Variants in PPFIA2 observed in about 807,000 individuals in gnomAD.
PPFIA2 encodes the protein PPFI scaffold protein A2, also known as liprin-alpha-2.
PPFIA2 carries 46 observed loss-of-function variants against 175.5 expected under a neutral mutation model. That is an observed-to-expected ratio of 0.26 (90% CI 0.21 to 0.34). The LOEUF (loss-of-function observed/expected upper bound fraction) is 0.34, where lower values mean the gene tolerates loss of function less well. PPFIA2 is among the 10% of genes least tolerant of loss of function. The pLI, the probability that PPFIA2 is intolerant of heterozygous loss-of-function variation, is 1.00. For synonymous variants in PPFIA2, 568 were observed against 511.4 expected (o/e 1.11, Z -1.49); for missense variants, 1,179 against 1,506.1 (o/e 0.78, Z 3.60).
chr12:81,481,081 T>G (rs901971661), intron 4 of PPFIA2, among the ~76,000 whole-genome samples: 38 of 152,260 alleles, frequency 2.5e-4, no homozygotes, highest in African/African-American at 8.9e-4. Flanking sequence ...ATCACAAGCA[T>G]TCCTATACAC....
chr12:81,518,238 T>C (rs923445692), intron 4 of PPFIA2, among the ~76,000 whole-genome samples: 5 of 152,126 alleles, frequency 3.3e-5, no homozygotes, highest in African/African-American at 1.2e-4. Context: ...ATATTGACCA[T>C]CTCTTTTACA....
rs935046010 is a variant in PPFIA2 at position 81,494,861 on chromosome 12, G to A, written c.304-36995C>T. Among the ~76,000 whole-genome samples, 15 of 145,484 alleles carry A rather than the reference G, an allele frequency of 1.0e-4. No homozygotes were observed. The South Asian group carries it at 1.1e-3, about 11-fold the overall frequency. ...TCACAAGGACAAAAAACCAAACACC[G>A]CATGTTCTCACTCATAGGTGGGAAT... On this transcript the variant is annotated intron_variant, in intron 4 of 32. Transcript: ENST00000549396.
At chr12:81,335,169 G>A (rs2140154897) in intron 21 of PPFIA2, among the ~76,000 whole-genome samples, 1 of 152,190 alleles carries the variant, frequency 6.6e-6, no homozygotes, top group East Asian at 1.9e-4. Context: ...TCAATATTTG[G>A]AGATAATGGC....
At chr12:81,474,413 TC>T (rs1291747125) in intron 4 of PPFIA2, among the ~76,000 whole-genome samples, 1 of 152,132 alleles carries the variant, frequency 6.6e-6, no homozygotes, top group Non-Finnish European at 1.5e-5. Flanking sequence ...GGCCTCAGCC[TC>T]CCAAACTGCT....
At chr12:81,414,729 A>G (rs761872560) in intron 7 of PPFIA2, among the ~76,000 whole-genome samples, 2 of 151,616 alleles carry the variant, frequency 1.3e-5, no homozygotes, top group African/African-American at 2.4e-5. Flanking sequence ...GCTGAATTCC[A>G]TGCTTAGATT....
At chr12:81,472,644 A>G (rs2056911920) in intron 4 of PPFIA2, 1 of 152,206 alleles carries the variant, frequency 6.6e-6, no homozygotes, top group South Asian at 2.1e-4. Flanking sequence ...TTTAGTAACC[A>G]GTATGCTTGT....
chr12:81,642,703 T>TGC lies in PPFIA2; in HGVS notation c.303+34087_303+34088insGC, dbSNP rs1173180908. 2.9e-4 allele frequency among the ~76,000 whole-genome samples: 4 copies of TGC among 13,934 alleles called. 1 individual carries two copies. The highest frequency in any genetic ancestry group is 1.4e-3 in the African/African-American group (4 of 2,860). 9.1% of individuals were successfully genotyped at this position (13,934 alleles called of 152,430 possible). ...TGTATCTATTATATACATACATGTATATGTATGTATGTATTATATACATAC... is the reference window on the plus strand; with the variant it reads ...TGTATCTATTATATACATACATGTATGCATGTATGTATGTATTATATACATAC... On this transcript the variant is annotated intron_variant, in intron 4 of 32. Transcript: ENST00000549396.
chr12:81,750,972 C>T (rs2083685558), intron 3 of PPFIA2, among the ~76,000 whole-genome samples: 1 of 152,076 alleles, frequency 6.6e-6, no homozygotes, highest in Non-Finnish European at 1.5e-5. Flanking sequence ...GTTATTTTCA[C>T]CTTCCAGCTA....
At chr12:81,284,545 C>T (rs1055179627) in intron 24 of PPFIA2, among the ~76,000 whole-genome samples, 14 of 152,158 alleles carry the variant, frequency 9.2e-5, no homozygotes, top group African/African-American at 3.1e-4. Flanking sequence ...TTTAAAATGA[C>T]ATTTCTGCAA....
At chr12:81,483,721 A>G (rs987213393) in intron 4 of PPFIA2, among the ~76,000 whole-genome samples, 1 of 152,100 alleles carries the variant, frequency 6.6e-6, no homozygotes, top group African/African-American at 2.4e-5. Flanking sequence ...TGTAAGGAAA[A>G]AACTATCTAA....
Position 81,413,953 on chromosome 12 carries a change from T to C in PPFIA2, c.646-8050A>G, listed in dbSNP as rs117573715. On this transcript the variant is annotated intron_variant, in intron 7 of 32. Transcript: ENST00000549396. The stretch of plus-strand genomic sequence containing the variant: ...AATTAAGAACTTCTAGCTGTAATAA[T>C]AGCTATGTCTTGAACATTTATTACA... Among the ~76,000 whole-genome samples, 655 of 151,922 alleles carry C rather than the reference T, an allele frequency of 4.3e-3. 3 individuals carry two copies. Among genetic ancestry groups the C allele is most frequent in the Non-Finnish European group, 7.1e-3 (480 of 67,786 alleles).
intron 15 of PPFIA2, among the ~76,000 whole-genome samples, chr12:81,360,787 T>TTCTA (rs58752952): frequency 0.35 from 53,532 of 151,174 alleles, 10,237 homozygotes; most frequent in East Asian, 0.53. Context: ...TTATAATAAG[T>TTCTA]TCTGTTTAGC....
At chr12:81,283,187 A>C (rs1468026395) in intron 25 of PPFIA2, 148 bp from the exon 26 acceptor site, 4 of 700,550 alleles carry the variant, frequency 5.7e-6, no homozygotes, top group Non-Finnish European at 9.6e-6. Flanking sequence ...TCATAGACCC[A>C]CAGTGATCAA....
rs1555549706 is a variant in PPFIA2, at chr12:81,642,765, T to TGTATTATATAC, written c.303+34025_303+34026insGTATATAATAC. On this transcript the variant is annotated intron_variant, in intron 4 of 32. Coordinates refer to ENST00000549396, the MANE Select transcript of PPFIA2 (RefSeq NM_003625.5). Reference sequence around the variant, plus strand: ...TGTATGTATTATATACATACATGTATATGTATGTATGTATTATATACATAC... The same window carrying TGTATTATATAC: ...TGTATGTATTATATACATACATGTATGTATTATATACATGTATGTATGTATTATATACATAC... Among the ~76,000 whole-genome samples the TGTATTATATAC allele has an allele frequency of 2.6e-4, 2 of 7,666 alleles. 1 individual carries two copies. Among genetic ancestry groups the TGTATTATATAC allele is most frequent in the African/African-American group, 1.6e-3 (2 of 1,268 alleles). 5.0% of individuals were successfully genotyped at this position (7,666 alleles called of 152,430 possible).
chr12:81,375,506 G>T (rs1011779706), intron 10 of PPFIA2, among the ~76,000 whole-genome samples: 7 of 152,046 alleles, frequency 4.6e-5, no homozygotes, highest in Non-Finnish European at 1.0e-4. Flanking sequence ...ATAGGTGGTG[G>T]TTAGAATTAA....
intron 13 of PPFIA2, 71 bp downstream of exon 13, chr12:81,368,654 T>C: frequency 1.4e-6 from 2 of 1,428,364 alleles, no homozygotes; most frequent in Non-Finnish European, 9.5e-7. Context: ...ATTACAATGA[T>C]TGCAGCTGTA....
At chr12:81,267,738 T>G (rs924156599) in intron 29 of PPFIA2, among the ~76,000 whole-genome samples, 174 bp downstream of exon 29, 2 of 151,738 alleles carry the variant, frequency 1.3e-5, no homozygotes, top group Non-Finnish European at 2.9e-5. Flanking sequence ...ATTTTTTTTT[T>G]TTTTTTTTTG....
chr12:81,316,941 G>A (rs528556875), intron 22 of PPFIA2, among the ~76,000 whole-genome samples: 3 of 151,590 alleles, frequency 2.0e-5, no homozygotes, highest in East Asian at 3.9e-4. Context: ...CTACATTTTT[G>A]TATAACACAG....
At chr12:81,527,371 T>G (rs1033110861) in intron 4 of PPFIA2, among the ~76,000 whole-genome samples, 1 of 151,652 alleles carries the variant, frequency 6.6e-6, no homozygotes, top group African/African-American at 2.4e-5. Flanking sequence ...GGAGCTCCAT[T>G]TTATGCTTCT....
Sources: gnomAD v4.1 joint callset for allele counts (sites outside exome capture counted in the v4.1 genomes callset) on GRCh38, gnomAD v4.1.1 for gene constraint, MANE v1.5 for transcripts, NCBI Gene and HGNC (gene_info 2026-07-23, HGNC 2026-07-21) for gene names.